VAV3: variants seen among roughly 807,000 people sequenced by gnomAD.
VAV3 encodes the protein vav guanine nucleotide exchange factor 3, also known as guanine nucleotide exchange factor VAV3.
Under a neutral mutation model 131.2 loss-of-function variants are expected in VAV3, and 94 were observed. The ratio of observed to expected loss-of-function variants is 0.72; its 90% confidence interval spans 0.61 to 0.85. The LOEUF (loss-of-function observed/expected upper bound fraction) is 0.85. Ranked by LOEUF, VAV3 falls within the 40% of genes least tolerant of loss-of-function variation. The probability of loss-of-function intolerance (pLI) is 0.00; values close to 1 mark genes in which losing one functional copy is unlikely to be tolerated. For missense variants in VAV3, 939 were observed against 1,002.7 expected, an observed-to-expected ratio of 0.94 and a Z score of 0.86; for synonymous variants, 349 against 342.0, an observed-to-expected ratio of 1.02 and a Z score of -0.22.
intron 15 of VAV3, among the ~76,000 whole-genome samples, chr1:107,728,755 T>C (rs181920170): frequency 4.4e-4 from 67 of 152,222 alleles, no homozygotes; most frequent in Non-Finnish European, 5.7e-4. Context: ...AAAGACTGCT[T>C]AGCTAATATA....
chr1:107,685,015 GCTGTCTTTCT>G (rs1658918916), intron 18 of VAV3, among the ~76,000 whole-genome samples: 2 of 152,106 alleles, frequency 1.3e-5, no homozygotes, highest in Non-Finnish European at 2.9e-5. Context: ...CACAATAGAA[GCTGTCTTTCT>G]ACTGATTTTA....
At chr1:107,687,735 A>T (rs2504461) in intron 18 of VAV3, among the ~76,000 whole-genome samples, 8,007 of 152,260 alleles carry the variant, frequency 0.053, 515 homozygotes, top group African/African-American at 0.15. Context: ...GTATTTAATG[A>T]TGGGCAACTT....
intron 2 of VAV3, among the ~76,000 whole-genome samples, chr1:107,789,272 T>C (rs1450463741): frequency 6.6e-6 from 1 of 152,190 alleles, no homozygotes. Flanking sequence ...CTGGCAAAGA[T>C]CACTGCTTCC....
rs571413688 is a variant in VAV3 at position 107,730,209 on chromosome 1, C to G, written c.1502+18759G>C. 3.9e-4 allele frequency among the ~76,000 whole-genome samples: 59 copies of G among 152,312 alleles called. No homozygotes were observed. The East Asian group carries it at 8.5e-3, about 22-fold the overall frequency. ...GTCAATGGTCAGTCTAAAGTGTACC[C>G]TGAAGGAGAAGGATGACAGCATTAT... On this transcript the variant is annotated intron_variant, in intron 15 of 26. Transcript: ENST00000370056.
In VAV3 at chr1:107,783,924, G is replaced by A. The variant is rs530126225; in HGVS notation, c.322-4432C>T. Among the ~76,000 whole-genome samples, 8 of 151,748 alleles carry A rather than the reference G, an allele frequency of 5.3e-5. No individual in the cohort carries two copies. In the East Asian group the frequency reaches 1.5e-3, roughly 29 times the overall value. Reference sequence around the variant, plus strand: ...AAAAAAAAAAAATTAGCCAGGCATGGTGGCGGGCACCTGTAGTCCCAGCTA... The same window carrying A: ...AAAAAAAAAAAATTAGCCAGGCATGATGGCGGGCACCTGTAGTCCCAGCTA... On this transcript the variant is annotated intron_variant, in intron 2 of 26. Transcript: ENST00000370056.
intron 2 of VAV3, among the ~76,000 whole-genome samples, chr1:107,831,011 C>T (rs1167735640): frequency 6.6e-6 from 1 of 151,972 alleles, no homozygotes; most frequent in Admixed American, 6.6e-5. Flanking sequence ...GGGGAATAAC[C>T]ACAAATACTT....
chr1:107,665,731 T>C (rs960726904), intron 19 of VAV3, among the ~76,000 whole-genome samples: 1 of 152,120 alleles, frequency 6.6e-6, no homozygotes, highest in African/African-American at 2.4e-5. Flanking sequence ...TGCAGGCCAA[T>C]ACTAGAAACA....
Position 107,779,528 on chromosome 1 carries a change from T to G in VAV3, c.322-36A>C, listed in dbSNP as rs748125862. 8.6e-6 allele frequency: 13 copies of G among 1,510,460 alleles called. No homozygotes were observed. The Middle Eastern group carries it at 5.3e-4, about 61-fold the overall frequency. The allele number at this position is 1,510,460 out of a possible 1,614,324, so 93.6% of individuals were successfully genotyped here. On this transcript the variant is annotated intron_variant, in intron 2 of 26. Coordinates refer to ENST00000370056, the MANE Select transcript of VAV3 (RefSeq NM_006113.5). Reference sequence around the variant, plus strand: ...AGGAAAATACTAATTAGATATGTAGTTCAGAAAATATAAGATTTCTTTTTC... The same window carrying G: ...AGGAAAATACTAATTAGATATGTAGGTCAGAAAATATAAGATTTCTTTTTC...
At chr1:107,863,764 C>T (rs560009272) in intron 2 of VAV3, among the ~76,000 whole-genome samples, 112 of 152,164 alleles carry the variant, frequency 7.4e-4, no homozygotes, top group African/African-American at 2.6e-3. Context: ...AAAAACTACC[C>T]GAAAGATTCA....
At chr1:107,786,128 A>G (rs567588512) in intron 2 of VAV3, among the ~76,000 whole-genome samples, 5 of 152,318 alleles carry the variant, frequency 3.3e-5, no homozygotes, top group Admixed American at 1.3e-4. Context: ...AAACATTTCT[A>G]TGTCAGGAAG....
intron 2 of VAV3, among the ~76,000 whole-genome samples, chr1:107,814,819 A>G (rs1369640830): frequency 6.6e-6 from 1 of 152,220 alleles, no homozygotes; most frequent in Non-Finnish European, 1.5e-5. Context: ...CAGATCCAAG[A>G]GAAGAAATTC....
intron 2 of VAV3, among the ~76,000 whole-genome samples, chr1:107,795,965 T>TC (rs915854288): frequency 1.6e-4 from 25 of 152,284 alleles, no homozygotes; most frequent in African/African-American, 5.8e-4. Flanking sequence ...TCCCATTAAA[T>TC]CCTAATTCTC....
chr1:107,958,318 T>C (rs1312720476), intron 1 of VAV3, among the ~76,000 whole-genome samples: 1 of 152,240 alleles, frequency 6.6e-6, no homozygotes, highest in Non-Finnish European at 1.5e-5. Flanking sequence ...AGGGAGTGTG[T>C]AGACATGTAT....
chr1:107,663,490 T>C (rs936784399), intron 19 of VAV3, among the ~76,000 whole-genome samples: 16 of 151,968 alleles, frequency 1.1e-4, no homozygotes, highest in African/African-American at 3.6e-4. Context: ...GGATCGAAAA[T>C]GAATATAATG....
chr1:107,964,543 CAGA>C (rs1675321751), intron 1 of VAV3, 120 bp downstream of exon 1: 9 of 1,118,124 alleles, frequency 8.0e-6, no homozygotes, highest in Non-Finnish European at 1.1e-5. Flanking sequence ...GGTCCCAAAG[CAGA>C]AGGCTGGGAA....
chr1:107,608,192 G>C (rs561999604), intron 22 of VAV3, among the ~76,000 whole-genome samples: 23 of 152,160 alleles, frequency 1.5e-4, no homozygotes, highest in East Asian at 7.7e-4. Flanking sequence ...TTACATATTG[G>C]CAAGGGTGCA....
intron 25 of VAV3, among the ~76,000 whole-genome samples, chr1:107,591,527 T>C (rs1024321330): frequency 3.3e-5 from 5 of 152,138 alleles, no homozygotes; most frequent in Admixed American, 3.3e-4. Context: ...CATGCTAGTG[T>C]TCCACACGTC....
At chr1:107,625,440 T>C (rs1325084365) in intron 20 of VAV3, among the ~76,000 whole-genome samples, 1 of 152,022 alleles carries the variant, frequency 6.6e-6, no homozygotes, top group Non-Finnish European at 1.5e-5. Flanking sequence ...CTAATCTTTG[T>C]ATTTTTAGTA....
At chr1:107,937,603 CCTCA>C (rs777047764) in intron 1 of VAV3, among the ~76,000 whole-genome samples, 1 of 152,112 alleles carries the variant, frequency 6.6e-6, no homozygotes, top group African/African-American at 2.4e-5. Flanking sequence ...CTGTTTATGC[CCTCA>C]CTATCATGTT....
Sources: allele counts gnomAD v4.1 joint callset (sites outside exome capture counted in the v4.1 genomes callset), GRCh38; gene constraint gnomAD v4.1.1; transcripts MANE v1.5; gene names NCBI Gene and HGNC (gene_info 2026-07-23, HGNC 2026-07-21).